CNTN4: variants seen among roughly 807,000 people sequenced by gnomAD.
CNTN4 encodes contactin 4.
Under a neutral mutation model 122.5 loss-of-function variants are expected in CNTN4, and 77 were observed. That is an observed-to-expected ratio of 0.63 (90% CI 0.52 to 0.76). The LOEUF (loss-of-function observed/expected upper bound fraction) is 0.76. CNTN4 is among the 30% of genes least tolerant of loss of function. CNTN4 has a pLI of 0.00. For missense variants in CNTN4, 1,256 were observed against 1,259.1 expected (o/e 1.00, Z 0.04); for synonymous variants, 512 against 447.0 (o/e 1.15, Z -1.83).
At chr3:2,836,545 T>C (rs1269401218) in intron 7 of CNTN4, among the ~76,000 whole-genome samples, 2 of 152,038 alleles carry the variant, frequency 1.3e-5, no homozygotes, top group Admixed American at 6.6e-5. Flanking sequence ...ATTTTATGGA[T>C]GAGAAAAATA....
At chr3:2,969,494 T>A (rs1016688512) in intron 13 of CNTN4, among the ~76,000 whole-genome samples, 7 of 148,774 alleles carry the variant, frequency 4.7e-5, no homozygotes, top group Non-Finnish European at 1.0e-4. Context: ...TGGGGAGACA[T>A]GATTTCCCAA....
At chr3:2,775,959 T>C (rs1438250439) in intron 6 of CNTN4, among the ~76,000 whole-genome samples, 1 of 152,226 alleles carries the variant, frequency 6.6e-6, no homozygotes, top group African/African-American at 2.4e-5. Flanking sequence ...GTATTGCTCT[T>C]CAGCCCGAAC....
At chr3:2,299,024 G>GA (rs2042410217) in intron 2 of CNTN4, among the ~76,000 whole-genome samples, 1 of 152,104 alleles carries the variant, frequency 6.6e-6, no homozygotes, top group African/African-American at 2.4e-5. Flanking sequence ...CTGTCGGGGG[G>GA]TTTTTAGCTT....
At chr3:2,585,942 A>G (rs1286269867) in intron 4 of CNTN4, among the ~76,000 whole-genome samples, 1 of 152,128 alleles carries the variant, frequency 6.6e-6, no homozygotes, top group Non-Finnish European at 1.5e-5. Flanking sequence ...AACTAGAACC[A>G]TGTGACTTTT....
At chr3:2,464,690 A>G (rs1414337449) in intron 3 of CNTN4, among the ~76,000 whole-genome samples, 3 of 152,212 alleles carry the variant, frequency 2.0e-5, no homozygotes, top group Non-Finnish European at 4.4e-5. Context: ...AACAAAATGC[A>G]TTTTATCAAG....
chr3:2,303,926 TA>T lies in CNTN4; in HGVS notation c.-144-35251del, dbSNP rs2042613267. 4.4e-4 allele frequency among the ~76,000 whole-genome samples: 67 copies of T among 152,352 alleles called. No individual in the cohort carries two copies. In the South Asian group the frequency reaches 0.014, roughly 32 times the overall value. On this transcript the variant is annotated intron_variant, in intron 2 of 24. Coordinates refer to ENST00000418658, the MANE Select transcript of CNTN4 (RefSeq NM_175607.3). The stretch of plus-strand genomic sequence containing the variant: ...TCCTCAGAATACTGTGTAAACGGTA[TA>T]TTTTGTGTCACAATAGATTATCACC...
chr3:2,615,188 A>G (rs1291747567), intron 4 of CNTN4, among the ~76,000 whole-genome samples: 1 of 152,032 alleles, frequency 6.6e-6, no homozygotes, highest in African/African-American at 2.4e-5. Flanking sequence ...CAATTGTTAA[A>G]TAGTCTGTAT....
chr3:2,735,448 A>G (rs767003310), intron 4 of CNTN4, among the ~76,000 whole-genome samples: 1 of 152,202 alleles, frequency 6.6e-6, no homozygotes, highest in Non-Finnish European at 1.5e-5. Context: ...AGTTTCTCTT[A>G]TTGAGAGAAA....
At chr3:2,767,566 T>C (rs192492795) in intron 6 of CNTN4, among the ~76,000 whole-genome samples, 213 of 152,312 alleles carry the variant, frequency 1.4e-3, no homozygotes, top group African/African-American at 4.8e-3. Flanking sequence ...AAATTTTCAG[T>C]TAGTTGCCCC....
chr3:2,503,094 A>C (rs976384844), intron 3 of CNTN4, among the ~76,000 whole-genome samples: 3 of 152,210 alleles, frequency 2.0e-5, no homozygotes, highest in Non-Finnish European at 2.9e-5. Context: ...AATAGAAGAA[A>C]TAGGTGCATA....
intron 2 of CNTN4, among the ~76,000 whole-genome samples, chr3:2,192,204 C>G (rs1159504500): frequency 1.3e-5 from 2 of 152,142 alleles, no homozygotes; most frequent in Non-Finnish European, 2.9e-5. Context: ...GTGCATGTGT[C>G]TTTATAGCAG....
At chr3:2,785,979 G>C (rs981423961) in intron 6 of CNTN4, among the ~76,000 whole-genome samples, 3 of 147,368 alleles carry the variant, frequency 2.0e-5, no homozygotes, top group African/African-American at 7.5e-5. Context: ...GGAGAGAAGA[G>C]GTGTCCGAAC....
At chr3:2,426,094 C>A (rs1188350905) in intron 3 of CNTN4, among the ~76,000 whole-genome samples, 1 of 152,162 alleles carries the variant, frequency 6.6e-6, no homozygotes, top group African/African-American at 2.4e-5. Context: ...GCCAGAACTT[C>A]CAACACTATG....
At chr3:2,180,614 C>A (rs2036972739) in intron 2 of CNTN4, among the ~76,000 whole-genome samples, 1 of 151,974 alleles carries the variant, frequency 6.6e-6, no homozygotes, top group African/African-American at 2.4e-5. Flanking sequence ...TCCATGTTTC[C>A]CAGTCCAGTT....
At chr3:2,768,506 T>C (rs957213928) in intron 6 of CNTN4, among the ~76,000 whole-genome samples, 4 of 152,216 alleles carry the variant, frequency 2.6e-5, no homozygotes, top group Non-Finnish European at 4.4e-5. Flanking sequence ...TTCAGCTTGC[T>C]GTAGAGAGCT....
intron 8 of CNTN4, among the ~76,000 whole-genome samples, chr3:2,879,843 T>C (rs1231592103): frequency 6.6e-6 from 1 of 152,198 alleles, no homozygotes; most frequent in Non-Finnish European, 1.5e-5. Context: ...CTTTTTAGTA[T>C]GTAAATTATA....
At position 2,902,768 on chromosome 3, in the gene CNTN4, T is replaced by C. The variant is rs2094188770; in HGVS notation, c.1078-108T>C. The C allele has an allele frequency of 4.3e-6, 5 of 1,156,240 alleles. No homozygotes were observed. The South Asian group carries it at 5.3e-5, about 12-fold the overall frequency. 71.6% of individuals were successfully genotyped at this position (1,156,240 alleles called of 1,614,324 possible). A position where few individuals can be genotyped will look rare whatever the true frequency, so the allele number is the denominator to read the frequency against. On this transcript the variant is annotated intron_variant, in intron 11 of 24. Transcript: ENST00000418658. Reference sequence around the variant, plus strand: ...CATGTTATGTAAATTGCTTATATGATGGCTGTTTTCTTCCCATTAAGCTTC... The same window carrying C: ...CATGTTATGTAAATTGCTTATATGACGGCTGTTTTCTTCCCATTAAGCTTC...
chr3:2,562,947 C>T (rs544789972), intron 3 of CNTN4, among the ~76,000 whole-genome samples: 63 of 152,042 alleles, frequency 4.1e-4, no homozygotes, highest in South Asian at 6.2e-4. Context: ...TGGCTGGTCT[C>T]GAAGTCCTGG....
chr3:2,316,654 C>G (rs752073198), intron 2 of CNTN4, among the ~76,000 whole-genome samples: 2 of 152,260 alleles, frequency 1.3e-5, no homozygotes, highest in African/African-American at 2.4e-5. Context: ...CAACAGAACA[C>G]TTAGTCTTTT....
Sources: allele counts gnomAD v4.1 joint callset (sites outside exome capture counted in the v4.1 genomes callset), GRCh38; gene constraint gnomAD v4.1.1; transcripts MANE v1.5; gene names NCBI Gene and HGNC (gene_info 2026-07-23, HGNC 2026-07-21).